Variants in DMXL1 observed in about 807,000 individuals in gnomAD.
DMXL1 encodes the protein Dmx like 1.
In DMXL1, 99 loss-of-function variants were observed where a neutral mutation model predicts 319.2. The ratio of observed to expected loss-of-function variants is 0.31; its 90% CI spans 0.26 to 0.37. DMXL1 has a LOEUF of 0.37. Among genes scored for constraint, DMXL1 ranks in the 10% least tolerant of loss-of-function variants. DMXL1 has a pLI of 1.00. For synonymous variants in DMXL1, 1,385 were observed against 1,235.2 expected (o/e 1.12, Z -2.54); for missense variants, 3,745 against 3,595.6 (o/e 1.04, Z -1.06).
intron 37 of DMXL1, among the ~76,000 whole-genome samples, chr5:119,223,274 C>T (rs1478659626): frequency 6.6e-6 from 1 of 152,036 alleles, no homozygotes; most frequent in Non-Finnish European, 1.5e-5. Context: ...CCAGGCTGGT[C>T]TTGAACTCCT....
intron 1 of DMXL1, among the ~76,000 whole-genome samples, chr5:119,089,713 C>T (rs888250079): frequency 1.3e-5 from 2 of 151,358 alleles, no homozygotes; most frequent in Admixed American, 6.6e-5. Flanking sequence ...GCAACCTCCA[C>T]CTCCTGGGTT....
In DMXL1 at chr5:119,180,727, T is replaced by TA. The variant is rs199968548; in HGVS notation, c.7135+2484dup. On this transcript the variant is annotated intron_variant, in intron 28 of 43. Coordinates refer to ENST00000539542, the MANE Select transcript of DMXL1 (RefSeq NM_001290321.3). ...CCTTGGACTATATTTATACTTGAGA[T>TA]ATCTGAATTCAATTAAGGAAAAACT... Among the ~76,000 whole-genome samples the TA allele has an allele frequency of 9.5e-3, 1,443 of 152,290 alleles. 26 individuals are homozygous for TA. Among genetic ancestry groups the TA allele is most frequent in the African/African-American group, 0.032 (1,317 of 41,558 alleles).
intron 25 of DMXL1, among the ~76,000 whole-genome samples, chr5:119,173,127 C>G (rs1416415480): frequency 6.6e-6 from 1 of 151,934 alleles, no homozygotes; most frequent in Non-Finnish European, 1.5e-5. Flanking sequence ...TCACCTGAGG[C>G]CAGGAATTCA....
chr5:119,170,698 C>T lies in DMXL1; in HGVS notation c.5907C>T (p.Asp1969=), dbSNP rs1274884000. 4 of 1,613,090 alleles carry T rather than the reference C, an allele frequency of 2.5e-6. No homozygotes were observed. Among genetic ancestry groups the T allele is most frequent in the Non-Finnish European group, 2.5e-6 (3 of 1,179,760 alleles). ...FQDDSLELKW[D]SDNDEENEDV... Reference sequence around the variant, plus strand: ...ATGACTCTTTAGAGTTAAAATGGGACAGTGATAATGATGAAGAAAATGAGG... The same window carrying T: ...ATGACTCTTTAGAGTTAAAATGGGATAGTGATAATGATGAAGAAAATGAGG... The change falls in exon 24 of 44, where the codon GAC becomes GAT. Residue 1969 remains aspartate (D), a synonymous_variant. Transcript: ENST00000539542.
intron 3 of DMXL1, among the ~76,000 whole-genome samples, chr5:119,103,671 A>G (rs1757739631): frequency 6.6e-6 from 1 of 152,208 alleles, no homozygotes. Context: ...TGAATCCACT[A>G]TTTGAGCCTC....
intron 26 of DMXL1, 77 bp from the exon 27 acceptor site, chr5:119,177,280 C>T (rs973963297): frequency 9.6e-7 from 1 of 1,043,134 alleles, no homozygotes; most frequent in African/African-American, 1.6e-5. Context: ...AAAATTGATA[C>T]TCTTGAAAGT....
At chr5:119,145,623 G>A (rs187796608) in intron 15 of DMXL1, among the ~76,000 whole-genome samples, 1 of 151,724 alleles carries the variant, frequency 6.6e-6, no homozygotes, top group East Asian at 1.9e-4. Flanking sequence ...TTTAAAAGAA[G>A]TTACTCTCCT....
At chr5:119,132,301 G>T (rs1038314569) in intron 10 of DMXL1, among the ~76,000 whole-genome samples, 1 of 152,182 alleles carries the variant, frequency 6.6e-6, no homozygotes, top group African/African-American at 2.4e-5. Context: ...TTTAATAAAA[G>T]TATTATTGTC....
At chr5:119,129,869 G>C (rs556321921) in intron 10 of DMXL1, among the ~76,000 whole-genome samples, 1 of 152,344 alleles carries the variant, frequency 6.6e-6, no homozygotes, top group African/African-American at 2.4e-5. Flanking sequence ...TTGGTATAGA[G>C]AGAGAGTTAG....
chr5:119,221,696 C>T (rs931186709), intron 37 of DMXL1, among the ~76,000 whole-genome samples: 2 of 152,018 alleles, frequency 1.3e-5, no homozygotes, highest in Non-Finnish European at 2.9e-5. Context: ...GGTTTGCTAA[C>T]CCCTTGTCTA....
chr5:119,206,527 A>C (rs1201743738), intron 33 of DMXL1: 1 of 184,928 alleles, frequency 5.4e-6, no homozygotes, highest in Non-Finnish European at 1.1e-5. Context: ...TTTTAATATA[A>C]AGTATTTTGG....
intron 1 of DMXL1, among the ~76,000 whole-genome samples, chr5:119,095,803 A>C (rs545790937): frequency 6.6e-6 from 1 of 152,234 alleles, no homozygotes; most frequent in South Asian, 2.1e-4. Context: ...TGATCCCATC[A>C]TGGATATTTA....
intron 1 of DMXL1, among the ~76,000 whole-genome samples, chr5:119,076,582 G>A (rs1422609259): frequency 6.6e-6 from 1 of 152,100 alleles, no homozygotes; most frequent in African/African-American, 2.4e-5. Flanking sequence ...GTTTTACAGT[G>A]TTTAAGTACC....
In DMXL1 at chr5:119,197,882, CGAAGAGAGTTTGTCT is replaced by C; in HGVS notation, c.7673_7687del (p.Glu2558_Ser2562del). ...AAAATTATATCGCAAGTCATACCGC[CGAAGAGAGTTTGTCT>C]GCAGGTCCTGCAATTCTTCGCCACA... On this transcript the variant is annotated inframe_deletion, in exon 32 of 44. Coordinates refer to ENST00000539542, the MANE Select transcript of DMXL1 (RefSeq NM_001290321.3). The C allele has an allele frequency of 6.2e-7, 1 of 1,614,146 alleles. No homozygotes were observed. Among genetic ancestry groups the C allele is most frequent in the Non-Finnish European group, 8.5e-7 (1 of 1,180,030 alleles).
At position 119,114,488 on chromosome 5, in the gene DMXL1, G is replaced by T. The variant is rs1760384482; in HGVS notation, c.511G>T (p.Val171Phe). The change falls in exon 6 of 44, where the codon GTT (valine) becomes TTT (phenylalanine). Residue 171 changes from valine (V) to phenylalanine (F), a missense_variant. This residue lies in a region of DMXL1 where 2,096 missense variants were observed against 1,985.4 expected (regional missense o/e 1.06). Transcript: ENST00000539542. ...TTTAATTTACAGAACTGCTTCCCAAGTTCATTTAATGAAATTTTCACCAGA... is the reference window on the plus strand; with the variant it reads ...TTTAATTTACAGAACTGCTTCCCAATTTCATTTAATGAAATTTTCACCAGA... ...CIWHCKTASQ[V>F]HLMKFSPDGE... 2 of 1,607,944 alleles carry T rather than the reference G, an allele frequency of 1.2e-6. No individual in the cohort carries two copies. Among genetic ancestry groups the T allele is most frequent in the African/African-American group, 2.7e-5 (2 of 74,710 alleles).
chr5:119,156,383 A>G (rs1367631507), intron 19 of DMXL1, among the ~76,000 whole-genome samples: 1 of 152,242 alleles, frequency 6.6e-6, no homozygotes, highest in Non-Finnish European at 1.5e-5. Flanking sequence ...GGGAAACAAA[A>G]AATTGTGTTA....
chr5:119,072,508 G>A (rs1315613204), intron 1 of DMXL1, among the ~76,000 whole-genome samples: 1 of 151,876 alleles, frequency 6.6e-6, no homozygotes, highest in East Asian at 1.9e-4. Flanking sequence ...TCACTGCCTG[G>A]GAATACTAAG....
chr5:119,237,436 T>C, intron 40 of DMXL1, 22 bp downstream of exon 40: 1 of 1,445,236 alleles, frequency 6.9e-7, no homozygotes, highest in Non-Finnish European at 9.6e-7. Context: ...ATTTCTACCT[T>C]TAAATAAAAT....
At chr5:119,090,588 G>A (rs1239463383) in intron 1 of DMXL1, among the ~76,000 whole-genome samples, 1 of 139,586 alleles carries the variant, frequency 7.2e-6, no homozygotes, top group Non-Finnish European at 1.5e-5. Context: ...TTGAGACAGA[G>A]TTTCACTCTT....
Sources: allele counts gnomAD v4.1 joint callset (sites outside exome capture counted in the v4.1 genomes callset), GRCh38; gene constraint gnomAD v4.1.1; regional missense constraint gnomAD v4.1.1; transcripts MANE v1.5; gene names NCBI Gene and HGNC (gene_info 2026-07-23, HGNC 2026-07-21).